LRRC74B: variants seen among roughly 807,000 people sequenced by gnomAD.
LRRC74B encodes the protein leucine rich repeat containing 74B.
LRRC74B carries 30 observed loss-of-function variants against 16.6 expected under a neutral mutation model. The ratio of observed to expected loss-of-function variants is 1.80; its 90% CI spans 1.35 to 2.45. The LOEUF (loss-of-function observed/expected upper bound fraction) is 2.45, where lower values mean the gene tolerates loss of function less well. Among genes scored for constraint, LRRC74B ranks in the 30% most tolerant of loss-of-function variants. The pLI is 0.00. For missense variants in LRRC74B, 326 were observed against 202.4 expected, an observed-to-expected ratio of 1.61 and a Z score of -3.71; for synonymous variants, 134 against 86.0, an observed-to-expected ratio of 1.56 and a Z score of -3.09.
In LRRC74B at chr22:21,047,410, G is replaced by T. The variant is rs118037532; in HGVS notation, c.194G>T (p.Arg65Leu). ...GACACACTGTACCTGAGGTCTTGCC[G>T]GGCCCATAGTGTTGTGCCCATCTCC... Residue 65 changes from arginine to leucine, a missense_variant, in exon 2 of 9, where the codon CGG (arginine) becomes CTG (leucine). Coordinates refer to ENST00000442047, the Ensembl canonical transcript of LRRC74B. 4 of 717,388 alleles carry T rather than the reference G, an allele frequency of 5.6e-6. No individual in the cohort carries two copies. The African/African-American group carries it at 7.0e-5, about 13-fold the overall frequency. 44.4% of individuals were successfully genotyped at this position (717,388 alleles called of 1,614,324 possible).
chr22:21,058,645 T>C (rs1449773827), intron 8 of LRRC74B, among the ~76,000 whole-genome samples: 2 of 152,192 alleles, frequency 1.3e-5, no homozygotes, highest in East Asian at 3.8e-4. Flanking sequence ...TTCTTCAGGT[T>C]TGGGACAACC....
chr22:21,049,864 T>C (rs1929850300), intron 4 of LRRC74B, among the ~76,000 whole-genome samples: 1 of 152,132 alleles, frequency 6.6e-6, no homozygotes, highest in African/African-American at 2.4e-5. Context: ...AGCTGTCTGC[T>C]TTGCCAGGAA....
intron 7 of LRRC74B, among the ~76,000 whole-genome samples, chr22:21,055,732 G>C (rs1169710232): frequency 6.6e-6 from 1 of 152,082 alleles, no homozygotes; most frequent in Non-Finnish European, 1.5e-5. Context: ...AGCTCTGTCG[G>C]CCCTCAGCTC....
chr22:21,055,751 A>C (rs1052807525), intron 7 of LRRC74B, among the ~76,000 whole-genome samples: 2 of 152,054 alleles, frequency 1.3e-5, no homozygotes, highest in African/African-American at 4.8e-5. Flanking sequence ...TCCCCACCCT[A>C]GCCTTACTGG....
At chr22:21,047,289 G>C (rs1427329132) in intron 1 of LRRC74B, 67 bp from the exon 2 acceptor site, 7 of 685,734 alleles carry the variant, frequency 1.0e-5, no homozygotes, top group Non-Finnish European at 1.9e-5. Context: ...TAGTGACACA[G>C]GGCAGGGGAG....
rs898638447 is a variant in LRRC74B at position 21,052,360 on chromosome 22, T to C, written c.732+2T>C. 13 of 717,280 alleles carry C rather than the reference T, an allele frequency of 1.8e-5. No individual in the cohort carries two copies. Among genetic ancestry groups the C allele is most frequent in the African/African-American group, 1.7e-4 (10 of 57,342 alleles). 44.4% of individuals were successfully genotyped at this position (717,280 alleles called of 1,614,324 possible). A position where few individuals can be genotyped will look rare whatever the true frequency, so the allele number is the denominator to read the frequency against. ...GTGGCATTTGCCAGGGGACTGGAGG[T>C]ATGAAGCCCCCACCTAGTCGGCCCT... On this transcript the variant is annotated splice_donor_variant, in intron 5 of 8. Transcript: ENST00000442047. LOFTEE classifies it high-confidence loss of function.
chr22:21,051,854 C>T (rs936417177), intron 4 of LRRC74B, among the ~76,000 whole-genome samples: 1 of 152,128 alleles, frequency 6.6e-6, no homozygotes, highest in African/African-American at 2.4e-5. Context: ...GTCTCCTCCC[C>T]ACTGTGCATA....
At chr22:21,048,057 C>T (rs1476864276) in intron 3 of LRRC74B, 41 bp downstream of exon 3, 2 of 715,842 alleles carry the variant, frequency 2.8e-6, no homozygotes, top group Non-Finnish European at 5.2e-6. Flanking sequence ...GCGTGTCCTC[C>T]TTTTCCTCAG....
chr22:21,045,980 C>T (rs1156296836), upstream of LRRC74B: 1 of 717,328 alleles, frequency 1.4e-6, no homozygotes, highest in East Asian at 2.7e-5. Context: ...GCGAGAGGGT[C>T]GTAACCATGA....
chr22:21,062,063 G>A (rs1257555808), downstream of LRRC74B: 1 of 152,140 alleles, frequency 6.6e-6, no homozygotes, highest in Non-Finnish European at 1.5e-5. Context: ...GCTGAAAACG[G>A]GTGAAACTAG....
intron 8 of LRRC74B, among the ~76,000 whole-genome samples, chr22:21,059,121 C>A (rs1930688802): frequency 6.6e-6 from 1 of 152,112 alleles, no homozygotes; most frequent in East Asian, 1.9e-4. Flanking sequence ...GAGTTGGTAG[C>A]TCATGCCTGT....
rs1930382091 is a variant in LRRC74B at position 21,055,025 on chromosome 22, A to G, written c.849-73A>G. 6.6e-5 allele frequency: 46 copies of G among 693,708 alleles called. 1 individual carries two copies. The South Asian group carries it at 6.9e-4, about 10-fold the overall frequency. 43.0% of individuals were successfully genotyped at this position (693,708 alleles called of 1,614,324 possible). A position where few individuals can be genotyped will look rare whatever the true frequency, so the allele number is the denominator to read the frequency against. On this transcript the variant is annotated intron_variant, in intron 6 of 8. Transcript: ENST00000442047. ...GGCTGCAATGGCAGCTCCAGTGGGC[A>G]CCCTGGGGCAGTGGGCTCTGCACCG...
chr22:21,046,732 A>G (rs1929469950), intron 1 of LRRC74B, among the ~76,000 whole-genome samples: 1 of 152,064 alleles, frequency 6.6e-6, no homozygotes, highest in South Asian at 2.1e-4. Flanking sequence ...TCTGCACTCT[A>G]GTGAGCCTTC....
chr22:21,057,205 G>A lies in LRRC74B; in HGVS notation c.1023+5G>A, dbSNP rs1256774353. The stretch of plus-strand genomic sequence containing the variant: ...CTGGAACTGCTGGATTTCTCAGTAA[G>A]AGCATTTTATAAACCTCGTTTCTGA... On this transcript the variant is annotated splice_donor_5th_base_variant and intron_variant, in intron 8 of 8. Transcript: ENST00000442047. 5.6e-6 allele frequency: 4 copies of A among 717,174 alleles called. No homozygotes were observed. Among genetic ancestry groups the A allele is most frequent in the Admixed American group, 4.0e-5 (2 of 49,950 alleles). 44.4% of individuals were successfully genotyped at this position (717,174 alleles called of 1,614,324 possible).
chr22:21,047,435 C>T (rs1265905992), exon 2 of LRRC74B: 1 of 717,424 alleles, frequency 1.4e-6, no homozygotes, highest in East Asian at 2.7e-5. Flanking sequence ...TGCCCATCTC[C>T]TGCTTTCTGC....
chr22:21,059,192 A>G (rs1930692520), intron 8 of LRRC74B, among the ~76,000 whole-genome samples: 1 of 152,258 alleles, frequency 6.6e-6, no homozygotes, highest in Non-Finnish European at 1.5e-5. Flanking sequence ...GTTCGAGATC[A>G]GTCTGGCCAA....
Position 21,049,169 on chromosome 22 carries a change from G to T in LRRC74B, c.622+12G>T, listed in dbSNP as rs1311182395. The T allele has an allele frequency of 7.0e-6, 5 of 713,100 alleles. No individual in the cohort carries two copies. Among genetic ancestry groups the T allele is most frequent in the African/African-American group, 1.7e-5 (1 of 57,332 alleles). The allele number at this position is 713,100 out of a possible 1,614,324, so 44.2% of individuals were successfully genotyped here. A position where few individuals can be genotyped will look rare whatever the true frequency, so the allele number is the denominator to read the frequency against. On this transcript the variant is annotated intron_variant, in intron 4 of 8. Transcript: ENST00000442047. ...GAATGACCAAGCAGGTAACGCCTGC[G>T]CAGGGCACCATGGCCATGAAAGCTC...
At chr22:21,048,785 G>A in intron 3 of LRRC74B, 166 bp from the exon 4 acceptor site, 2 of 605,400 alleles carry the variant, frequency 3.3e-6, no homozygotes, top group East Asian at 5.5e-5. Flanking sequence ...GAGGTCAGGG[G>A]CAGAGGGGAC....
chr22:21,049,137 A>G (rs1487225113), exon 4 of LRRC74B: 7 of 715,552 alleles, frequency 9.8e-6, no homozygotes, highest in African/African-American at 8.7e-5. Flanking sequence ...CTGAGCTACA[A>G]CCAGCTGAAT....
Sources: gnomAD v4.1 joint callset for allele counts (sites outside exome capture counted in the v4.1 genomes callset) on GRCh38, gnomAD v4.1.1 for gene constraint, MANE v1.5 for transcripts, NCBI Gene and HGNC (gene_info 2026-07-23, HGNC 2026-07-21) for gene names.